Variants in MACROD2 observed in about 807,000 individuals in gnomAD.
The protein encoded by MACROD2 is ADP-ribose glycohydrolase MACROD2.
In MACROD2, 36 loss-of-function variants were observed where a neutral mutation model predicts 70.4. That is an observed-to-expected ratio of 0.51 (90% CI 0.39 to 0.68). The LOEUF (loss-of-function observed/expected upper bound fraction) is 0.68, where lower values mean the gene tolerates loss of function less well. MACROD2 is among the 30% of genes least tolerant of loss of function. The pLI is 0.00. For missense variants in MACROD2, 496 were observed against 538.4 expected, an observed-to-expected ratio of 0.92 and a Z score of 0.78; for synonymous variants, 172 against 178.8, an observed-to-expected ratio of 0.96 and a Z score of 0.30.
chr20:15,456,899 C>A (rs578040065), intron 7 of MACROD2, among the ~76,000 whole-genome samples: 1 of 152,070 alleles, frequency 6.6e-6, no homozygotes, highest in East Asian at 1.9e-4. Flanking sequence ...GTTTGGCTGT[C>A]CCTTCATGGG....
intron 5 of MACROD2, among the ~76,000 whole-genome samples, chr20:15,227,072 G>A (rs529932421): frequency 1.3e-5 from 2 of 152,006 alleles, no homozygotes; most frequent in South Asian, 4.1e-4. Flanking sequence ...TCATCATGTT[G>A]GTCGATAATA....
At chr20:14,414,161 C>T (rs1343382694) in intron 3 of MACROD2, among the ~76,000 whole-genome samples, 1 of 152,096 alleles carries the variant, frequency 6.6e-6, no homozygotes, top group Admixed American at 6.6e-5. Context: ...TATCTAACTG[C>T]CTAATAGACA....
intron 6 of MACROD2, among the ~76,000 whole-genome samples, chr20:15,380,181 TA>T (rs11087134): frequency 1.3e-5 from 2 of 151,882 alleles, no homozygotes; most frequent in Non-Finnish European, 2.9e-5. Flanking sequence ...TACCATCATT[TA>T]AAAAAACCCT....
intron 8 of MACROD2, among the ~76,000 whole-genome samples, chr20:15,642,492 C>T (rs1023848757): frequency 6.6e-6 from 1 of 151,898 alleles, no homozygotes; most frequent in African/African-American, 2.4e-5. Flanking sequence ...GCCCGGTTCT[C>T]TCTCAATAAA....
At chr20:15,473,152 T>C (rs1360932640) in intron 7 of MACROD2, among the ~76,000 whole-genome samples, 1 of 152,190 alleles carries the variant, frequency 6.6e-6, no homozygotes, top group East Asian at 1.9e-4. Context: ...TTCATATTAC[T>C]CATCCAAGTA....
chr20:14,804,894 A>T (rs58480723), intron 5 of MACROD2, among the ~76,000 whole-genome samples: 4,372 of 126,804 alleles, frequency 0.034, 213 homozygotes, highest in African/African-American at 0.12. Flanking sequence ...TGTGTGTGTG[A>T]GAGAGAGAGA....
At chr20:15,080,376 T>C (rs757816805) in intron 5 of MACROD2, among the ~76,000 whole-genome samples, 1 of 152,174 alleles carries the variant, frequency 6.6e-6, no homozygotes, top group Non-Finnish European at 1.5e-5. Flanking sequence ...GATCAGTATA[T>C]GTATCTTAAT....
chr20:14,616,634 C>T (rs1983497296), intron 4 of MACROD2, among the ~76,000 whole-genome samples: 1 of 152,050 alleles, frequency 6.6e-6, no homozygotes, highest in Non-Finnish European at 1.5e-5. Context: ...GAAGGAGGTC[C>T]TGGAATGATA....
At chr20:14,231,354 G>A (rs139375317) in intron 3 of MACROD2, among the ~76,000 whole-genome samples, 2,351 of 151,562 alleles carry the variant, frequency 0.016, 26 homozygotes, top group African/African-American at 0.03. Context: ...TGTTCTCATT[G>A]TTCAATTCCC....
chr20:15,646,404 T>C (rs760315830), intron 8 of MACROD2, among the ~76,000 whole-genome samples: 11 of 152,220 alleles, frequency 7.2e-5, no homozygotes, highest in Admixed American at 2.0e-4. Context: ...GGTGGAAATT[T>C]GTGCTGAAAA....
intron 3 of MACROD2, among the ~76,000 whole-genome samples, chr20:14,270,924 C>T (rs1001663433): frequency 6.6e-6 from 1 of 152,232 alleles, no homozygotes; most frequent in Non-Finnish European, 1.5e-5. Context: ...TGCAAGGCCG[C>T]AGCGAGGCTG....
intron 5 of MACROD2, among the ~76,000 whole-genome samples, chr20:14,995,893 C>A (rs781028156): frequency 2.9e-4 from 44 of 152,066 alleles, no homozygotes; most frequent in Non-Finnish European, 5.0e-4. Context: ...AATCCATGAT[C>A]TAAACTTTCA....
intron 15 of MACROD2, among the ~76,000 whole-genome samples, chr20:16,032,550 G>C (rs564036683): frequency 1.3e-5 from 2 of 150,420 alleles, no homozygotes; most frequent in South Asian, 4.2e-4. Flanking sequence ...GAGAAAGAAG[G>C]GAGGCAGGGA....
intron 5 of MACROD2, among the ~76,000 whole-genome samples, chr20:14,993,777 G>T (rs1366378540): frequency 6.6e-6 from 1 of 152,128 alleles, no homozygotes; most frequent in Non-Finnish European, 1.5e-5. Flanking sequence ...TATTTGTAAA[G>T]GTTGAACTTT....
At chr20:15,661,744 A>G (rs1012310863) in intron 8 of MACROD2, among the ~76,000 whole-genome samples, 1 of 152,188 alleles carries the variant, frequency 6.6e-6, no homozygotes, top group East Asian at 1.9e-4. Context: ...TGGAATGGCA[A>G]TAGTGTCAAG....
chr20:15,352,466 C>T (rs1470992057), intron 6 of MACROD2, among the ~76,000 whole-genome samples: 1 of 151,956 alleles, frequency 6.6e-6, no homozygotes, highest in African/African-American at 2.4e-5. Context: ...CCAAAGATAT[C>T]AGAAATAATT....
At chr20:14,702,689 A>G (rs1268399978) in intron 5 of MACROD2, among the ~76,000 whole-genome samples, 4 of 138,464 alleles carry the variant, frequency 2.9e-5, no homozygotes, top group Admixed American at 7.5e-5. Flanking sequence ...ATATATGTGT[A>G]TATATATGTA....
chr20:15,817,154 G>A (rs2063885853), intron 8 of MACROD2, among the ~76,000 whole-genome samples: 2 of 152,288 alleles, frequency 1.3e-5, no homozygotes, highest in East Asian at 1.9e-4. Flanking sequence ...CACAAAAGTC[G>A]CTGTCAGCTG....
intron 8 of MACROD2, among the ~76,000 whole-genome samples, chr20:15,726,042 A>G (rs1189307303): frequency 6.6e-6 from 1 of 152,114 alleles, no homozygotes; most frequent in African/African-American, 2.4e-5. Context: ...TAAAAAGCAT[A>G]CTACCCAATA....
Sources: allele counts gnomAD v4.1 joint callset (sites outside exome capture counted in the v4.1 genomes callset), GRCh38; gene constraint gnomAD v4.1.1; transcripts MANE v1.5; gene names NCBI Gene and HGNC (gene_info 2026-07-23, HGNC 2026-07-21).